The following HDAC2 variants were observed in gnomAD, a reference collection of about 807,000 sequenced individuals.
The protein encoded by HDAC2 is histone deacetylase 2.
HDAC2 carries 5 observed loss-of-function variants against 68.5 expected under a neutral mutation model. The observed-to-expected ratio is 0.07, with a 90% CI of 0.04 to 0.15. HDAC2 has a LOEUF of 0.15. Ranked by LOEUF, HDAC2 falls within the 10% of genes least tolerant of loss-of-function variation. The probability of loss-of-function intolerance (pLI) is 1.00; values close to 1 mark genes in which losing one functional copy is unlikely to be tolerated. For missense variants in HDAC2, 291 were observed against 600.8 expected (o/e 0.48, Z 5.39); for synonymous variants, 182 against 191.3 (o/e 0.95, Z 0.40).
chr6:113,944,253 A>G (rs1275763415), intron 11 of HDAC2, 27 bp downstream of exon 11: 6 of 1,591,698 alleles, frequency 3.8e-6, no homozygotes, highest in Non-Finnish European at 5.2e-6. Context: ...ATTTTGACAA[A>G]TTGGAAAAAT....
At chr6:113,966,126 A>C (rs1284420885) in intron 1 of HDAC2, among the ~76,000 whole-genome samples, 1 of 152,204 alleles carries the variant, frequency 6.6e-6, no homozygotes, top group East Asian at 1.9e-4. Flanking sequence ...AGACTGCACC[A>C]AACAAATGTG....
At chr6:113,955,305 C>T (rs890857922) in intron 5 of HDAC2, among the ~76,000 whole-genome samples, 1 of 152,060 alleles carries the variant, frequency 6.6e-6, no homozygotes, top group African/African-American at 2.4e-5. Context: ...CCTCCACCTC[C>T]CAGGTTCAAG....
In HDAC2 at chr6:113,970,925, G is replaced by GCCGCCACCGGGCT. The variant is rs1325963977; in HGVS notation, c.-30_-18dup. 1 of 1,551,142 alleles carries GCCGCCACCGGGCT rather than the reference G, an allele frequency of 6.4e-7. No individual in the cohort carries two copies. Among genetic ancestry groups the GCCGCCACCGGGCT allele is most frequent in the East Asian group, 2.4e-5 (1 of 41,060 alleles). Reference sequence around the variant, plus strand: ...GTACGCCATGGGCTCCCCGGCCACCGCCGCCACCGGGCTCCTCCTCCTGCT... The same window carrying GCCGCCACCGGGCT: ...GTACGCCATGGGCTCCCCGGCCACCGCCGCCACCGGGCTCCGCCACCGGGCTCCTCCTCCTGCT... On this transcript the variant is annotated 5_prime_UTR_variant, in exon 1 of 14. Coordinates refer to ENST00000519065, the MANE Select transcript of HDAC2 (RefSeq NM_001527.4).
At chr6:113,947,941 T>C (rs918143958) in intron 8 of HDAC2, 3 of 152,166 alleles carry the variant, frequency 2.0e-5, no homozygotes, top group African/African-American at 7.2e-5. Context: ...CAAAGCACAC[T>C]GTCAACTTGC....
rs1475296464 is a variant in HDAC2 at position 113,935,439 on chromosome 6, T to G, written c.*5619A>C. On this transcript the variant is annotated 3_prime_UTR_variant, in exon 14 of 14. Coordinates refer to ENST00000519065, the MANE Select transcript of HDAC2 (RefSeq NM_001527.4). ...CCTGTACATCATCCTAGTAAGTATA[T>G]GGCAAGGGCAGGGAAGTGACCCTGG... 7 of 152,146 alleles carry G rather than the reference T, an allele frequency of 4.6e-5. No homozygotes were observed. 9.4% of individuals were successfully genotyped at this position (152,146 alleles called of 1,614,324 possible). A position where few individuals can be genotyped will look rare whatever the true frequency, so the allele number is the denominator to read the frequency against.
chr6:113,949,112 G>C (rs1174641156), intron 7 of HDAC2, 25 bp from the exon 8 acceptor site: 3 of 1,605,330 alleles, frequency 1.9e-6, no homozygotes, highest in Admixed American at 1.7e-5. Context: ...ACAAATGTTA[G>C]CATCTCCAAT....
Position 113,933,173 on chromosome 6 carries a change from T to C in HDAC2, c.*7885A>G, listed in dbSNP as rs1338627108. On this transcript the variant is annotated 3_prime_UTR_variant, in exon 14 of 14. Transcript: ENST00000519065. ...TTTGCTTTCAAAATGATGCTCATGT[T>C]CTCATTCACTAAGTGATTAAAGTTA... is the stretch of plus-strand genomic sequence containing the variant. The C allele has an allele frequency of 1.3e-5, 2 of 152,244 alleles. No individual in the cohort carries two copies. The highest frequency in any genetic ancestry group is 2.9e-5 in the Non-Finnish European group (2 of 68,026). 9.4% of individuals were successfully genotyped at this position (152,244 alleles called of 1,614,324 possible). A position where few individuals can be genotyped will look rare whatever the true frequency, so the allele number is the denominator to read the frequency against.
At chr6:113,942,389 G>C (rs1048894505) in intron 12 of HDAC2, among the ~76,000 whole-genome samples, 6 of 136,528 alleles carry the variant, frequency 4.4e-5, no homozygotes, top group African/African-American at 1.7e-4. Context: ...TAAAAGAACA[G>C]AACTAAATGT....
chr6:113,941,455 A>C (rs926846759), intron 13 of HDAC2, among the ~76,000 whole-genome samples: 12 of 152,150 alleles, frequency 7.9e-5, no homozygotes, highest in African/African-American at 2.9e-4. Context: ...TATAAAAGAT[A>C]ACAGCAAAAA....
intron 6 of HDAC2, among the ~76,000 whole-genome samples, chr6:113,951,708 C>G (rs1776421073): frequency 6.6e-6 from 1 of 152,052 alleles, no homozygotes; most frequent in African/African-American, 2.4e-5. Context: ...ACCTCGTGAT[C>G]CTCCCACCTC....
chr6:113,949,098 G>C lies in HDAC2; in HGVS notation c.733-11C>G. ...CACCTTTGAGATAATCTACACACAA[G>C]ATAACAAATGTTAGCATCTCCAATA... On this transcript the variant is annotated splice_polypyrimidine_tract_variant and intron_variant, in intron 7 of 13. Transcript: ENST00000519065. The C allele has an allele frequency of 6.2e-7, 1 of 1,612,262 alleles. No individual in the cohort carries two copies. The highest frequency in any genetic ancestry group is 8.5e-7 in the Non-Finnish European group (1 of 1,178,484).
intron 11 of HDAC2, 66 bp from the exon 12 acceptor site, chr6:113,943,572 C>T: frequency 7.8e-7 from 1 of 1,290,218 alleles, no homozygotes; most frequent in Non-Finnish European, 1.1e-6. Flanking sequence ...TTACAGCATA[C>T]TCATACAAAT....
At chr6:113,958,473 T>C in intron 3 of HDAC2, 176 bp downstream of exon 3, 1 of 481,910 alleles carries the variant, frequency 2.1e-6, no homozygotes, top group Non-Finnish European at 3.6e-6. Flanking sequence ...AAGCTTCAGA[T>C]AGGTTTACTT....
Position 113,943,233 on chromosome 6 carries a change from C to G in HDAC2, c.1378+118G>C. 7.1e-6 allele frequency: 5 copies of G among 699,450 alleles called. 1 individual carries two copies. The South Asian group carries it at 8.2e-5, about 12-fold the overall frequency. The allele number at this position is 699,450 out of a possible 1,614,324, so 43.3% of individuals were successfully genotyped here. A position where few individuals can be genotyped will look rare whatever the true frequency, so the allele number is the denominator to read the frequency against. On this transcript the variant is annotated intron_variant, in intron 12 of 13. Coordinates refer to ENST00000519065, the MANE Select transcript of HDAC2 (RefSeq NM_001527.4). ...ATATGTAAGAAAAAAGAGTCACCTA[C>G]CTAGCATACTTCCTCCTGATACCTG...
chr6:113,963,005 G>A (rs1389407044), intron 1 of HDAC2, among the ~76,000 whole-genome samples: 2 of 150,890 alleles, frequency 1.3e-5, no homozygotes, highest in East Asian at 3.9e-4. Flanking sequence ...ATATAAAGGC[G>A]TTATAAAATA....
intron 8 of HDAC2, 153 bp downstream of exon 8, chr6:113,948,826 T>C (rs1776329410): frequency 3.0e-6 from 2 of 665,672 alleles, no homozygotes; most frequent in South Asian, 2.4e-5. Context: ...AGAATAACTC[T>C]AGTCATACAT....
chr6:113,961,650 G>T (rs756930086), intron 1 of HDAC2, among the ~76,000 whole-genome samples: 1 of 151,992 alleles, frequency 6.6e-6, no homozygotes, highest in African/African-American at 2.4e-5. Context: ...ACAATACAAG[G>T]GATATATAGT....
At chr6:113,970,715 G>A (rs1221949474) in intron 1 of HDAC2, 142 bp downstream of exon 1, 1 of 1,395,594 alleles carries the variant, frequency 7.2e-7, no homozygotes. Flanking sequence ...AACTGTGCCG[G>A]GCCGGGAACG....
rs2114579019 is a variant in HDAC2 at position 113,936,993 on chromosome 6, A to C, written c.*4065T>G. On this transcript the variant is annotated 3_prime_UTR_variant, in exon 14 of 14. Transcript: ENST00000519065. ...GGCAACAGAGTGAGACTCTTTCAAA[A>C]AAAAAAGAAAAAAAAATAGCAGCTA... The C allele has an allele frequency of 6.6e-6, 1 of 152,164 alleles. No individual in the cohort carries two copies. Among genetic ancestry groups the C allele is most frequent in the East Asian group, 1.9e-4 (1 of 5,164 alleles). 9.4% of individuals were successfully genotyped at this position (152,164 alleles called of 1,614,324 possible).
Sources: allele counts gnomAD v4.1 joint callset (sites outside exome capture counted in the v4.1 genomes callset), GRCh38; gene constraint gnomAD v4.1.1; transcripts MANE v1.5; gene names NCBI Gene and HGNC (gene_info 2026-07-23, HGNC 2026-07-21).